Variants in CTCF observed in about 807,000 individuals in gnomAD.
The protein encoded by CTCF is CCCTC-binding factor, also known as transcriptional repressor CTCF.
Under a neutral mutation model 72.3 loss-of-function variants are expected in CTCF, and 7 were observed. That is an observed-to-expected ratio of 0.10 (90% CI 0.06 to 0.18). CTCF has a LOEUF of 0.18. Among genes scored for constraint, CTCF ranks in the 10% least tolerant of loss-of-function variants. The pLI is 1.00. For missense variants in CTCF, 516 were observed against 949.1 expected (o/e 0.54, Z 6.00); for synonymous variants, 374 against 315.8 (o/e 1.18, Z -1.95).
At chr16:67,584,709 TA>T (rs1178714948) in intron 2 of CTCF, among the ~76,000 whole-genome samples, 1 of 152,126 alleles carries the variant, frequency 6.6e-6, no homozygotes, top group East Asian at 1.9e-4. Context: ...GATAACCTAA[TA>T]AAACTGTAGG....
intron 6 of CTCF, 91 bp from the exon 7 acceptor site, chr16:67,621,351 G>A (rs2052196323): frequency 2.2e-6 from 2 of 903,160 alleles, no homozygotes; most frequent in African/African-American, 1.6e-5. Flanking sequence ...ATTCTCTGTG[G>A]TGTAGCATAT....
At chr16:67,623,833 A>T (rs867643970) in intron 7 of CTCF, among the ~76,000 whole-genome samples, 3 of 152,128 alleles carry the variant, frequency 2.0e-5, no homozygotes, top group Middle Eastern at 6.8e-3. Flanking sequence ...GCGGATCACA[A>T]GGTCAGGAGA....
chr16:67,597,447 G>A (rs1227136583), intron 2 of CTCF, among the ~76,000 whole-genome samples: 2 of 151,814 alleles, frequency 1.3e-5, no homozygotes, highest in African/African-American at 2.4e-5. Context: ...TCAAGCAGTT[G>A]TCTGCCTCAG....
At chr16:67,564,787 A>G (rs570626193) in intron 1 of CTCF, among the ~76,000 whole-genome samples, 5 of 152,274 alleles carry the variant, frequency 3.3e-5, no homozygotes, top group African/African-American at 1.2e-4. Context: ...TCCATAGACC[A>G]TATTTTGCTT....
intron 7 of CTCF, among the ~76,000 whole-genome samples, chr16:67,625,616 G>A (rs1203540819): frequency 6.6e-6 from 1 of 152,126 alleles, no homozygotes; most frequent in Non-Finnish European, 1.5e-5. Flanking sequence ...GGCATTGGTG[G>A]TACAGTGATA....
At chr16:67,604,152 A>G (rs1233090105) in intron 2 of CTCF, among the ~76,000 whole-genome samples, 1 of 151,136 alleles carries the variant, frequency 6.6e-6, no homozygotes, top group African/African-American at 2.4e-5. Flanking sequence ...AAAAGAAAAG[A>G]AAAGAAAATT....
chr16:67,590,960 CAAAAAAA>C (rs58183374), intron 2 of CTCF, among the ~76,000 whole-genome samples: 5 of 55,128 alleles, frequency 9.1e-5, no homozygotes, highest in African/African-American at 7.8e-5. Context: ...GACTCTGTCT[CAAAAAAA>C]AAAAAAAAAA....
chr16:67,617,850 CAG>C (rs914997753), intron 5 of CTCF, among the ~76,000 whole-genome samples: 1 of 152,134 alleles, frequency 6.6e-6, no homozygotes, highest in African/African-American at 2.4e-5. Flanking sequence ...AACTTACCCT[CAG>C]AGAGAAGCAA....
chr16:67,596,206 C>T (rs1484542521), intron 2 of CTCF, among the ~76,000 whole-genome samples: 2 of 152,178 alleles, frequency 1.3e-5, no homozygotes, highest in Non-Finnish European at 2.9e-5. Context: ...CCCGCCTTGG[C>T]CTCCCAAAGT....
Position 67,610,889 on chromosome 16 carries a change from A to G in CTCF, c.57A>G (p.Gly19=), listed in dbSNP as rs1464345401. The change falls in exon 3 of 12, where the codon GGA becomes GGG. Residue 19 remains glycine, a synonymous_variant. Transcript: ENST00000264010. ...AGGAGTCCGAAACTTTTATTAAAGG[A>G]AAGGAGAGAAAGACTTACCAGAGAC... is the stretch of plus-strand genomic sequence containing the variant. The part of the protein sequence containing the change: ...IVEESETFIK[G]KERKTYQRRR... The G allele has an allele frequency of 2.0e-6, 3 of 1,510,984 alleles. No homozygotes were observed. The highest frequency in any genetic ancestry group is 2.7e-6 in the Non-Finnish European group (3 of 1,130,222). The allele number at this position is 1,510,984 out of a possible 1,614,324, so 93.6% of individuals were successfully genotyped here.
At chr16:67,587,100 AT>A (rs754060008) in intron 2 of CTCF, among the ~76,000 whole-genome samples, 18,518 of 98,652 alleles carry the variant, frequency 0.19, 810 homozygotes, top group Non-Finnish European at 0.26. Context: ...CTTCTTAAAC[AT>A]TTTTTTTTTT....
intron 1 of CTCF, among the ~76,000 whole-genome samples, chr16:67,565,541 G>A (rs1567587833): frequency 6.6e-6 from 1 of 151,764 alleles, no homozygotes; most frequent in Non-Finnish European, 1.5e-5. Flanking sequence ...AGGCATGGTG[G>A]CACACGCCGT....
At position 67,637,670 on chromosome 16, in the gene CTCF, T is replaced by C. The variant is rs779581626; in HGVS notation, c.2000-18T>C. 1.2e-6 allele frequency: 2 copies of C among 1,604,894 alleles called. No homozygotes were observed. Among genetic ancestry groups the C allele is most frequent in the South Asian group, 1.1e-5 (1 of 90,268 alleles). ...GCTTTAATGGACCATTTGTTCTGTC[T>C]GTGCTCTTCTTTGCCAGCAACAGCT... On this transcript the variant is annotated intron_variant, in intron 11 of 11. Coordinates refer to ENST00000264010, the MANE Select transcript of CTCF (RefSeq NM_006565.4).
chr16:67,611,169 C>A lies in CTCF; in HGVS notation c.337C>A (p.Leu113Ile), dbSNP rs2142824790. ...GGAACAGCCCATAAACATAGGAGAA[C>A]TTCAGCTTGTTCAAGTACCTGTTCC... The part of the protein sequence containing the change: ...MEEQPINIGE[L>I]QLVQVPVPVT... The change falls in exon 3 of 12, where the codon CTT becomes ATT. Residue 113 changes from leucine to isoleucine, a missense_variant. Physicochemically the swap from Leu to Ile is conservative, Grantham distance 5 (BLOSUM62 2). Transcript: ENST00000264010. The A allele has an allele frequency of 6.2e-7, 1 of 1,614,200 alleles. No individual in the cohort carries two copies.
At chr16:67,584,137 G>A (rs778835006) in intron 2 of CTCF, among the ~76,000 whole-genome samples, 23 of 151,650 alleles carry the variant, frequency 1.5e-4, no homozygotes, top group Non-Finnish European at 3.2e-4. Flanking sequence ...TTTGGAGGCC[G>A]AAGTGGGTGG....
At chr16:67,586,480 GAGCCGAGATCGCGCCACTGCACTCC>G (rs1197754565) in intron 2 of CTCF, among the ~76,000 whole-genome samples, 1 of 151,218 alleles carries the variant, frequency 6.6e-6, no homozygotes, top group African/African-American at 2.4e-5. Context: ...AGGTTGCAGT[GAGCCGAGATCGCGCCACTGCACTCC>G]AGCCTGGGCG....
At chr16:67,594,758 C>T (rs539097507) in intron 2 of CTCF, among the ~76,000 whole-genome samples, 2 of 152,276 alleles carry the variant, frequency 1.3e-5, no homozygotes, top group East Asian at 3.9e-4. Context: ...AGTGAGAATT[C>T]CTGTTTGTCT....
chr16:67,572,798 AG>A (rs2051440762), intron 2 of CTCF, among the ~76,000 whole-genome samples: 1 of 150,260 alleles, frequency 6.7e-6, no homozygotes, highest in Admixed American at 6.7e-5. Context: ...AAACTAGCCG[AG>A]TGTGGTGGTG....
intron 2 of CTCF, among the ~76,000 whole-genome samples, chr16:67,589,249 A>G (rs1238977800): frequency 6.6e-6 from 1 of 152,132 alleles, no homozygotes; most frequent in Non-Finnish European, 1.5e-5. Context: ...GCAAGCTACG[A>G]TTACACTACT....
Sources: allele counts gnomAD v4.1 joint callset (sites outside exome capture counted in the v4.1 genomes callset), GRCh38; gene constraint gnomAD v4.1.1; transcripts MANE v1.5; gene names NCBI Gene and HGNC (gene_info 2026-07-23, HGNC 2026-07-21).